Variants in BAIAP2 observed in about 807,000 individuals in gnomAD.
BAIAP2 encodes the protein BAR/IMD domain-containing adapter protein 2.
In BAIAP2, 18 loss-of-function variants were observed where a neutral mutation model predicts 63.0. The ratio of observed to expected loss-of-function variants is 0.29; its 90% CI spans 0.20 to 0.42. The LOEUF (loss-of-function observed/expected upper bound fraction) is 0.42. Among genes scored for constraint, BAIAP2 ranks in the 10% least tolerant of loss-of-function variants. BAIAP2 has a pLI of 1.00. For synonymous variants in BAIAP2, 386 were observed against 307.6 expected (o/e 1.25, Z -2.67); for missense variants, 610 against 734.3 (o/e 0.83, Z 1.96).
chr17:81,088,106 T>A (rs556412360), intron 6 of BAIAP2, among the ~76,000 whole-genome samples: 2 of 152,060 alleles, frequency 1.3e-5, no homozygotes, highest in African/African-American at 2.4e-5. Flanking sequence ...TTTGCTACTT[T>A]GCTTTCTGAA....
intron 2 of BAIAP2, among the ~76,000 whole-genome samples, chr17:81,055,569 G>GTTTTTTTTTT (rs1555657837): frequency 1.2e-4 from 11 of 94,154 alleles, no homozygotes; most frequent in Non-Finnish European, 2.1e-4. Flanking sequence ...TCTGCAGGGT[G>GTTTTTTTTTT]TTTTGTTTTT....
rs918737669 is a variant in BAIAP2 at position 81,117,183 on chromosome 17, G to GA, written c.*1345dup. The GA allele has an allele frequency of 1.3e-5, 2 of 152,262 alleles. No individual in the cohort carries two copies. The highest frequency in any genetic ancestry group is 4.8e-5 in the African/African-American group (2 of 41,434). 9.4% of individuals were successfully genotyped at this position (152,262 alleles called of 1,614,324 possible). A position where few individuals can be genotyped will look rare whatever the true frequency, so the allele number is the denominator to read the frequency against. ...GTGCCGAGGACAGTGGGGAGGAGAG[G>GA]AGAGGGGCAGCTTCCTCCTGGCCCC... On this transcript the variant is annotated 3_prime_UTR_variant, in exon 14 of 14. Coordinates refer to ENST00000428708, the MANE Select transcript of BAIAP2 (RefSeq NM_001144888.2).
chr17:81,043,568 G>A (rs980460307), intron 1 of BAIAP2, among the ~76,000 whole-genome samples: 1 of 152,198 alleles, frequency 6.6e-6, no homozygotes, highest in African/African-American at 2.4e-5. Context: ...GGCCCACAGC[G>A]TCCTGGCACC....
At chr17:81,052,179 C>T (rs2048777127) in intron 1 of BAIAP2, among the ~76,000 whole-genome samples, 1 of 152,226 alleles carries the variant, frequency 6.6e-6, no homozygotes, top group African/African-American at 2.4e-5. Context: ...GCCTCGGGGC[C>T]TTTGCCCTGC....
At chr17:81,111,535 C>G (rs3935648) in intron 13 of BAIAP2, among the ~76,000 whole-genome samples, 27,156 of 152,240 alleles carry the variant, frequency 0.18, 3,146 homozygotes, top group East Asian at 0.48. Flanking sequence ...ACCCAAGACA[C>G]TGGCTCCATC....
chr17:81,078,999 T>C (rs2054164504), intron 3 of BAIAP2, among the ~76,000 whole-genome samples: 1 of 151,958 alleles, frequency 6.6e-6, no homozygotes, highest in Non-Finnish European at 1.5e-5. Flanking sequence ...GCAGGAGAGA[T>C]GGAGGGCAGT....
intron 3 of BAIAP2, among the ~76,000 whole-genome samples, chr17:81,064,606 T>TC (rs2051142417): frequency 2.0e-5 from 3 of 151,316 alleles, no homozygotes; most frequent in Non-Finnish European, 3.0e-5. Flanking sequence ...GAGAGTCTTT[T>TC]TTTGCTTTAA....
chr17:81,115,381 C>T (rs943785777), intron 13 of BAIAP2, among the ~76,000 whole-genome samples: 1 of 152,236 alleles, frequency 6.6e-6, no homozygotes, highest in Non-Finnish European at 1.5e-5. Context: ...GGGGAGCCAC[C>T]AAACTGGTGT....
intron 1 of BAIAP2, among the ~76,000 whole-genome samples, chr17:81,047,311 C>G (rs548334977): frequency 4.1e-4 from 62 of 152,206 alleles, no homozygotes; most frequent in African/African-American, 1.3e-3. Flanking sequence ...GCCTCACTTT[C>G]ATCTTGTCCA....
chr17:81,053,586 T>G, intron 1 of BAIAP2, 82 bp from the exon 2 acceptor site: 2 of 1,509,840 alleles, frequency 1.3e-6, no homozygotes, highest in South Asian at 2.3e-5. Context: ...CTGCTCTGGG[T>G]TTTCTCCTCT....
chr17:81,075,692 G>GT (rs1180965000), intron 3 of BAIAP2, among the ~76,000 whole-genome samples: 4 of 152,134 alleles, frequency 2.6e-5, no homozygotes, highest in African/African-American at 9.7e-5. Flanking sequence ...AGTGCTACGC[G>GT]TATCACCACA....
intron 3 of BAIAP2, among the ~76,000 whole-genome samples, chr17:81,070,730 C>T (rs919924370): frequency 1.1e-4 from 16 of 151,948 alleles, no homozygotes; most frequent in Non-Finnish European, 2.4e-4. Flanking sequence ...CTGCAGCCTC[C>T]ACTCCAGCCA....
chr17:81,043,901 C>T (rs1329679394), intron 1 of BAIAP2, among the ~76,000 whole-genome samples: 1 of 152,260 alleles, frequency 6.6e-6, no homozygotes, highest in African/African-American at 2.4e-5. Flanking sequence ...TCTCTGTTTT[C>T]TCATTAATTC....
At chr17:81,037,452 G>A (rs1568050990) in intron 1 of BAIAP2, among the ~76,000 whole-genome samples, 1 of 152,236 alleles carries the variant, frequency 6.6e-6, no homozygotes, top group Non-Finnish European at 1.5e-5. Context: ...TTGTCACTGG[G>A]GAGCTCAAGG....
intron 11 of BAIAP2, 89 bp downstream of exon 11, chr17:81,106,235 C>T: frequency 2.2e-6 from 3 of 1,373,656 alleles, no homozygotes; most frequent in East Asian, 5.0e-5. Flanking sequence ...GATTGCTCGG[C>T]TGGGCTTCCG....
At chr17:81,082,662 C>T (rs900859187) in intron 3 of BAIAP2, among the ~76,000 whole-genome samples, 4 of 152,198 alleles carry the variant, frequency 2.6e-5, no homozygotes, top group East Asian at 3.9e-4. Context: ...TCCTCTTCTC[C>T]CTCCACAGAA....
chr17:81,091,248 C>T (rs7218211), intron 6 of BAIAP2, among the ~76,000 whole-genome samples: 39,094 of 146,964 alleles, frequency 0.27, 5,609 homozygotes, highest in African/African-American at 0.36. Context: ...TGGCTTGCCT[C>T]GCGGGGTCTA....
chr17:81,089,418 G>A (rs2056320952), intron 6 of BAIAP2, among the ~76,000 whole-genome samples: 1 of 152,250 alleles, frequency 6.6e-6, no homozygotes, highest in African/African-American at 2.4e-5. Flanking sequence ...GTGGTCCACG[G>A]TCTGGGCAAG....
intron 6 of BAIAP2, among the ~76,000 whole-genome samples, chr17:81,094,934 G>A (rs558790106): frequency 2.0e-5 from 3 of 152,354 alleles, no homozygotes; most frequent in East Asian, 1.9e-4. Flanking sequence ...TGCAGCAGCC[G>A]TGGCGGATGA....
Sources: gnomAD v4.1 joint callset for allele counts (sites outside exome capture counted in the v4.1 genomes callset) on GRCh38, gnomAD v4.1.1 for gene constraint, MANE v1.5 for transcripts, NCBI Gene and HGNC (gene_info 2026-07-23, HGNC 2026-07-21) for gene names.